Variants in C6 observed in about 807,000 individuals in gnomAD.
The protein encoded by C6 is complement component C6.
In C6, 101 loss-of-function variants were observed where a neutral mutation model predicts 112.9. The ratio of observed to expected loss-of-function variants is 0.89; its 90% CI spans 0.76 to 1.06. C6 has a LOEUF of 1.06. Among genes scored for constraint, C6 ranks in the 50% least tolerant of loss-of-function variants. The probability of loss-of-function intolerance (pLI) is 0.00; values close to 1 mark genes in which losing one functional copy is unlikely to be tolerated. For missense variants in C6, 1,202 were observed against 1,104.6 expected (o/e 1.09, Z -1.25); for synonymous variants, 431 against 384.1 (o/e 1.12, Z -1.43).
chr5:41,186,145 T>C lies in C6; in HGVS notation c.651A>G (p.Ile217Met), dbSNP rs1216177834. 3.1e-6 allele frequency: 5 copies of C among 1,613,856 alleles called. No homozygotes were observed. The highest frequency in any genetic ancestry group is 3.4e-6 in the Non-Finnish European group (4 of 1,179,916). ...EVLDNSFTGG[I>M]CKTVKSSRTS... ...TCCTACTGCTTTTGACAGTTTTACA[T>C]ATTCCTCCAGTGAAAGAGTTATCAA... Residue 217 changes from isoleucine (I) to methionine (M), a missense_variant, in exon 6 of 18, where the codon ATA becomes ATG. Physicochemically the swap from Ile to Met is conservative, Grantham distance 10 (BLOSUM62 1). Transcript: ENST00000337836.
At chr5:41,205,136 G>A (rs1751334739) in intron 1 of C6, among the ~76,000 whole-genome samples, 1 of 152,026 alleles carries the variant, frequency 6.6e-6, no homozygotes, top group South Asian at 2.1e-4. Flanking sequence ...TGTCTGGGAG[G>A]GTAGAAAGAA....
intron 1 of C6, among the ~76,000 whole-genome samples, chr5:41,247,413 G>T (rs1741087226): frequency 6.6e-6 from 1 of 151,922 alleles, no homozygotes; most frequent in Admixed American, 6.6e-5. Flanking sequence ...ACCAAATCAA[G>T]AATGCTATCT....
At chr5:41,258,268 G>GAA (rs1333248849) in intron 1 of C6, among the ~76,000 whole-genome samples, 1 of 152,140 alleles carries the variant, frequency 6.6e-6, no homozygotes, top group Non-Finnish European at 1.5e-5. Context: ...GGTGACTTGT[G>GAA]AAGTCAAATT....
intron 9 of C6, among the ~76,000 whole-genome samples, chr5:41,164,326 C>T (rs1747798353): frequency 6.6e-6 from 1 of 152,096 alleles, no homozygotes; most frequent in Non-Finnish European, 1.5e-5. Context: ...AAGGTGAGAC[C>T]TATTAGGGAG....
chr5:41,250,301 G>A (rs1032305315), intron 1 of C6, among the ~76,000 whole-genome samples: 1 of 152,088 alleles, frequency 6.6e-6, no homozygotes, highest in African/African-American at 2.4e-5. Context: ...TAACCTTGTG[G>A]GTCTCAGCTT....
intron 1 of C6, among the ~76,000 whole-genome samples, chr5:41,239,436 G>A (rs1370084114): frequency 6.6e-6 from 1 of 151,888 alleles, no homozygotes; most frequent in East Asian, 1.9e-4. Flanking sequence ...TCTATGTGTT[G>A]GGAATGTTTC....
At chr5:41,238,493 G>A (rs908561202) in intron 1 of C6, among the ~76,000 whole-genome samples, 1 of 152,176 alleles carries the variant, frequency 6.6e-6, no homozygotes, top group Non-Finnish European at 1.5e-5. Context: ...GCGAAGAGGA[G>A]AATATGGGGC....
chr5:41,208,608 C>A (rs1473976985), intron 1 of C6, among the ~76,000 whole-genome samples: 2 of 152,184 alleles, frequency 1.3e-5, no homozygotes, highest in African/African-American at 4.8e-5. Context: ...CACAAATAAA[C>A]TAGAAAATCT....
At chr5:41,211,436 T>C (rs1331217302) in intron 1 of C6, among the ~76,000 whole-genome samples, 1 of 152,136 alleles carries the variant, frequency 6.6e-6, no homozygotes, top group Non-Finnish European at 1.5e-5. Flanking sequence ...AAGCTGATTC[T>C]AGTTCGTCGG....
At chr5:41,157,516 C>T (rs761938163) in intron 13 of C6, among the ~76,000 whole-genome samples, 51 of 152,154 alleles carry the variant, frequency 3.4e-4, no homozygotes, top group Admixed American at 2.2e-3. Flanking sequence ...TAGCCATAGA[C>T]GATATGTAAA....
intron 5 of C6, among the ~76,000 whole-genome samples, chr5:41,193,172 A>G (rs1041315171): frequency 5.3e-5 from 8 of 152,132 alleles, no homozygotes; most frequent in African/African-American, 1.9e-4. Flanking sequence ...GCTTTACACT[A>G]TGTACTTATG....
chr5:41,235,187 T>C (rs528031077), intron 1 of C6, among the ~76,000 whole-genome samples: 2 of 143,532 alleles, frequency 1.4e-5, no homozygotes, highest in East Asian at 4.3e-4. Flanking sequence ...TAACGTGTCA[T>C]CTAGCATTAG....
At chr5:41,260,334 A>G (rs1580268679) in intron 1 of C6, among the ~76,000 whole-genome samples, 1 of 152,042 alleles carries the variant, frequency 6.6e-6, no homozygotes, top group Non-Finnish European at 1.5e-5. Flanking sequence ...AGGACATACT[A>G]CAAATATTGG....
Position 41,210,494 on chromosome 5 carries a change from C to G in C6, c.-21+2882G>C, listed in dbSNP as rs186277367. Among the ~76,000 whole-genome samples, 9 of 152,270 alleles carry G rather than the reference C, an allele frequency of 5.9e-5. No individual in the cohort carries two copies. The East Asian group carries it at 1.7e-3, about 29-fold the overall frequency. ...CCGACAAAGGGCTAATATCCAGAAT[C>G]TACAAAGAACTCAAACAAATTTACA... On this transcript the variant is annotated intron_variant, in intron 1 of 17. Transcript: ENST00000337836.
rs1467162981 is a variant in C6, at chr5:41,204,935, C to T, written c.-20-1685G>A. Among the ~76,000 whole-genome samples the T allele has an allele frequency of 3.3e-5, 5 of 152,160 alleles. 1 individual carries two copies. The East Asian group carries it at 9.7e-4, about 29-fold the overall frequency. On this transcript the variant is annotated intron_variant, in intron 1 of 17. Coordinates refer to ENST00000337836, the MANE Select transcript of C6 (RefSeq NM_000065.5). Reference sequence around the variant, plus strand: ...CAGCCCACCTCGGCCTCCCAAAGTGCTGGGATTATCAGTAAGCTTTTTAAA... The same window carrying T: ...CAGCCCACCTCGGCCTCCCAAAGTGTTGGGATTATCAGTAAGCTTTTTAAA...
In C6 at chr5:41,142,771, T is replaced by G; in HGVS notation, c.*54A>C. The G allele has an allele frequency of 7.4e-7, 1 of 1,356,802 alleles. No individual in the cohort carries two copies. The highest frequency in any genetic ancestry group is 1.1e-6 in the Non-Finnish European group (1 of 946,248). The allele number at this position is 1,356,802 out of a possible 1,614,324, so 84.0% of individuals were successfully genotyped here. On this transcript the variant is annotated 3_prime_UTR_variant, in exon 18 of 18. Transcript: ENST00000337836. The stretch of plus-strand genomic sequence containing the variant: ...TGCAAGAATTCTCATTTGTAGGAGT[T>G]GGTTCTTCGGGATGGTAAATCTGTT...
At chr5:41,200,672 C>A (rs187581318) in intron 3 of C6, among the ~76,000 whole-genome samples, 2 of 152,216 alleles carry the variant, frequency 1.3e-5, no homozygotes, top group South Asian at 2.1e-4. Flanking sequence ...ATGCTCAACA[C>A]GGCCCTAACT....
intron 9 of C6, among the ~76,000 whole-genome samples, chr5:41,164,498 A>G (rs1229626776): frequency 6.6e-6 from 1 of 152,224 alleles, no homozygotes; most frequent in Non-Finnish European, 1.5e-5. Context: ...AACAGCAGAA[A>G]TGAGAGAGTC....
At chr5:41,148,809 A>G (rs937575781) in intron 17 of C6, among the ~76,000 whole-genome samples, 1 of 152,220 alleles carries the variant, frequency 6.6e-6, no homozygotes, top group Admixed American at 6.5e-5. Flanking sequence ...GAAGACTGAA[A>G]GAAATTTCAG....
Sources: allele counts gnomAD v4.1 joint callset (sites outside exome capture counted in the v4.1 genomes callset), GRCh38; gene constraint gnomAD v4.1.1; transcripts MANE v1.5; gene names NCBI Gene and HGNC (gene_info 2026-07-23, HGNC 2026-07-21).